NT5DC4: variants seen among roughly 807,000 people sequenced by gnomAD.
The protein encoded by NT5DC4 is 5'-nucleotidase domain-containing protein 4.
A neutral mutation model predicts 26.6 loss-of-function variants in NT5DC4; 44 were observed. The ratio of observed to expected loss-of-function variants is 1.65; its 90% CI spans 1.30 to 2.13. The LOEUF is 2.13. NT5DC4 is among the 30% of genes most tolerant of loss of function. The pLI, the probability that NT5DC4 is intolerant of heterozygous loss-of-function variation, is 0.00. For synonymous variants in NT5DC4, 157 were observed against 86.7 expected (o/e 1.81, Z -4.51); for missense variants, 399 against 228.1 (o/e 1.75, Z -4.83).
At chr2:112,734,396 T>G (rs1678834098) in intron 16 of NT5DC4, among the ~76,000 whole-genome samples, 1 of 152,192 alleles carries the variant, frequency 6.6e-6, no homozygotes, top group African/African-American at 2.4e-5. Context: ...TTATTCCATG[T>G]TGGTACTATT....
chr2:112,733,871 G>C (rs1678756655), intron 16 of NT5DC4, among the ~76,000 whole-genome samples: 1 of 152,140 alleles, frequency 6.6e-6, no homozygotes, highest in South Asian at 2.1e-4. Context: ...ACAGTACTTT[G>C]GCTGTCACAG....
At chr2:112,729,818 T>C in intron 16 of NT5DC4, 114 bp downstream of exon 16, 1 of 666,056 alleles carries the variant, frequency 1.5e-6, no homozygotes, top group Non-Finnish European at 2.8e-6. Flanking sequence ...TGGGGGGGCT[T>C]GTGGGCTTGT....
chr2:112,719,974 CTTTCTTTCTTTCTTTT>C (rs1558715536), upstream of NT5DC4, among the ~76,000 whole-genome samples: 1 of 79,670 alleles, frequency 1.3e-5, no homozygotes, highest in African/African-American at 5.1e-5. Flanking sequence ...TTCTTTCTTT[CTTTCTTTCTTTCTTTT>C]TCTTTTCTTT....
chr2:112,727,941 G>C (rs1249485196), intron 15 of NT5DC4, among the ~76,000 whole-genome samples: 1 of 152,218 alleles, frequency 6.6e-6, no homozygotes, highest in African/African-American at 2.4e-5. Flanking sequence ...CTGTACTTCC[G>C]AGTGAGCTCA....
chr2:112,723,248 C>T lies in NT5DC4; in HGVS notation c.621+74C>T, dbSNP rs2104716892. 5 of 716,046 alleles carry T rather than the reference C, an allele frequency of 7.0e-6. No homozygotes were observed. In the South Asian group the frequency reaches 7.4e-5, roughly 11 times the overall value. 44.4% of individuals were successfully genotyped at this position (716,046 alleles called of 1,614,324 possible). The stretch of plus-strand genomic sequence containing the variant: ...GTTCCCCGGGCAGCCTTCAGGCCTC[C>T]AGTCCCCATAGCGTTTCCATCCTCT... On this transcript the variant is annotated intron_variant, in intron 7 of 16. Transcript: ENST00000688554.
At chr2:112,726,446 C>T (rs1299277481) in intron 14 of NT5DC4, among the ~76,000 whole-genome samples, 157 bp downstream of exon 14, 1 of 152,154 alleles carries the variant, frequency 6.6e-6, no homozygotes, top group Non-Finnish European at 1.5e-5. Context: ...AATGTGGGGA[C>T]CCCTCTCACC....
chr2:112,733,796 G>C (rs1678749954), intron 16 of NT5DC4, among the ~76,000 whole-genome samples: 1 of 152,226 alleles, frequency 6.6e-6, no homozygotes, highest in Non-Finnish European at 1.5e-5. Flanking sequence ...GAAGAGAACA[G>C]AAGCAGCATC....
Position 112,722,256 on chromosome 2 carries a change from T to C in NT5DC4, c.340T>C (p.Tyr114His). 1 of 716,980 alleles carries C rather than the reference T, an allele frequency of 1.4e-6. No homozygotes were observed. The highest frequency in any genetic ancestry group is 2.7e-5 in the East Asian group (1 of 37,278). The allele number at this position is 716,980 out of a possible 1,614,324, so 44.4% of individuals were successfully genotyped here. A position where few individuals can be genotyped will look rare whatever the true frequency, so the allele number is the denominator to read the frequency against. Residue 114 changes from tyrosine to histidine, a missense_variant, in exon 4 of 17, where the codon TAT (tyrosine) becomes CAT (histidine). Coordinates refer to ENST00000688554, the MANE Select transcript of NT5DC4 (RefSeq NM_001393655.1). Reference protein sequence around the residue: ...DAHGNVLLGAYGFTFLSDLPL... With the variant: ...DAHGNVLLGAHGFTFLSDLPL... ...CCACGGGAATGTGCTGCTGGGTGCCTATGGCTTCACCTTCCTCTCGGAGTA... is the reference window on the plus strand; with the variant it reads ...CCACGGGAATGTGCTGCTGGGTGCCCATGGCTTCACCTTCCTCTCGGAGTA...
intron 13 of NT5DC4, among the ~76,000 whole-genome samples, chr2:112,725,957 T>G (rs190600582): frequency 6.6e-6 from 1 of 150,388 alleles, no homozygotes; most frequent in East Asian, 2.0e-4. Context: ...CCCACACAAT[T>G]TGGGCTTTGT....
At chr2:112,742,536 A>G (rs1680044873), downstream of NT5DC4, 2 of 710,364 alleles carry the variant, frequency 2.8e-6, no homozygotes, top group Non-Finnish European at 5.3e-6. Context: ...TTTACTTGTA[A>G]TAATACAAAT....
chr2:112,742,869 T>G (rs1162821736), downstream of NT5DC4: 1 of 765,836 alleles, frequency 1.3e-6, no homozygotes, highest in Admixed American at 2.7e-5. Context: ...AATAAAAGTT[T>G]CCTTTTAAAA....
At chr2:112,721,948 T>A (rs1368022151) in intron 2 of NT5DC4, 38 bp from the exon 3 acceptor site, 2 of 717,318 alleles carry the variant, frequency 2.8e-6, no homozygotes, top group Non-Finnish European at 5.2e-6. Flanking sequence ...GGTGGGCAGC[T>A]GGGCACCAAA....
At chr2:112,719,968 TTCTTTC>T (rs757883103), upstream of NT5DC4, among the ~76,000 whole-genome samples, 706 of 121,066 alleles carry the variant, frequency 5.8e-3, 17 homozygotes, top group Non-Finnish European at 9.1e-3. Flanking sequence ...CTTTCTTTCT[TTCTTTC>T]TTTCTTTCTT....
At chr2:112,741,219 G>A (rs948354439), downstream of NT5DC4, among the ~76,000 whole-genome samples, 1 of 151,650 alleles carries the variant, frequency 6.6e-6, no homozygotes, top group African/African-American at 2.4e-5. Context: ...GGCTACCCTC[G>A]TAGCCAGCCC....
At chr2:112,723,389 A>ACACACT in intron 7 of NT5DC4, 29 bp from the exon 8 acceptor site, 1 of 716,180 alleles carries the variant, frequency 1.4e-6, no homozygotes, top group Non-Finnish European at 2.6e-6. Flanking sequence ...ACACACACAC[A>ACACACT]CACACAGGCA....
At position 112,722,737 on chromosome 2, in the gene NT5DC4, G is replaced by A. The variant is rs771790850; in HGVS notation, c.493G>A (p.Val165Met). The A allele has an allele frequency of 4.2e-6, 3 of 717,684 alleles. No individual in the cohort carries two copies. Among genetic ancestry groups the A allele is most frequent in the Middle Eastern group, 4.6e-4 (2 of 4,372 alleles). The allele number at this position is 717,684 out of a possible 1,614,324, so 44.5% of individuals were successfully genotyped here. Residue 165 changes from valine (V) to methionine (M), a missense_variant, in exon 6 of 17, where the codon GTG becomes ATG. By Grantham distance (21) the Val-to-Met change is conservative. Coordinates refer to ENST00000688554, the MANE Select transcript of NT5DC4 (RefSeq NM_001393655.1). Reference sequence around the variant, plus strand: ...AGAAACCTACCTCTATGCCTGCTTGGTGGACTTCTTCTCTGGCTGCTCCCG... The same window carrying A: ...AGAAACCTACCTCTATGCCTGCTTGATGGACTTCTTCTCTGGCTGCTCCCG... Reference protein sequence around the residue: ...LPETYLYACLVDFFSGCSRYT... With the variant: ...LPETYLYACLMDFFSGCSRYT...
chr2:112,724,520 C>T (rs1183085459), intron 10 of NT5DC4: 1 of 578,124 alleles, frequency 1.7e-6, no homozygotes, highest in Non-Finnish European at 3.1e-6. Flanking sequence ...GTCCCTGGGT[C>T]TCTGTGCTGT....
intron 15 of NT5DC4, 86 bp downstream of exon 15, chr2:112,726,824 C>G: frequency 2.8e-6 from 2 of 713,196 alleles, no homozygotes; most frequent in East Asian, 5.4e-5. Flanking sequence ...TCGGCTTTGT[C>G]CTCGGTGCCA....
intron 16 of NT5DC4, among the ~76,000 whole-genome samples, chr2:112,735,430 CCTCTGTCT>C (rs750466477): frequency 1.3e-5 from 2 of 152,154 alleles, no homozygotes; most frequent in Non-Finnish European, 2.9e-5. Context: ...TCATGCCTCT[CCTCTGTCT>C]TCTGGTTCAT....
Sources: gnomAD v4.1 joint callset for allele counts (sites outside exome capture counted in the v4.1 genomes callset) on GRCh38, gnomAD v4.1.1 for gene constraint, MANE v1.5 for transcripts, NCBI Gene and HGNC (gene_info 2026-07-23, HGNC 2026-07-21) for gene names.